The following USP50 variants were observed in gnomAD, a reference collection of about 807,000 sequenced individuals.
USP50 encodes ubiquitin specific peptidase 50.
Under a neutral mutation model 39.2 loss-of-function variants are expected in USP50, and 37 were observed. That is an observed-to-expected ratio of 0.94 (90% CI 0.73 to 1.24). The LOEUF (loss-of-function observed/expected upper bound fraction) is 1.24. Among genes scored for constraint, USP50 ranks in the 50% most tolerant of loss-of-function variants. USP50 has a pLI of 0.00. For synonymous variants in USP50, 139 were observed against 144.5 expected (o/e 0.96, Z 0.27); for missense variants, 374 against 398.2 (o/e 0.94, Z 0.52).
downstream of USP50, chr15:50,493,064 T>C: frequency 1.2e-6 from 1 of 853,902 alleles, no homozygotes; most frequent in Non-Finnish European, 1.9e-6. Context: ...TCTTAGTTCT[T>C]GACTGGGAAG....
In USP50 at chr15:50,544,598, G is replaced by T. The variant is rs758788125; in HGVS notation, c.237C>A (p.Thr79=). 1.2e-6 allele frequency: 2 copies of T among 1,612,958 alleles called. No individual in the cohort carries two copies. The highest frequency in any genetic ancestry group is 1.3e-5 in the African/African-American group (1 of 74,880). ...GCAAATGGTCTTACTTTTGCAGAGC[G>T]GTGATATACTTCCCGGTGAGAAAGT... The part of the protein sequence containing the change: ...VEYFLTGKYI[T]ALQNDCSEVA... The change falls in exon 2 of 7, where the codon ACC becomes ACA. Residue 79 remains threonine (T), a synonymous_variant. Coordinates refer to ENST00000532404, the MANE Select transcript of USP50 (RefSeq NM_203494.5).
intron 6 of USP50, chr15:50,508,126 CACAAT>C (rs1321082244): frequency 9.3e-6 from 1 of 107,210 alleles, no homozygotes; most frequent in Non-Finnish European, 2.0e-5. Flanking sequence ...AGTCTTTGAA[CACAAT>C]ACAATTAGCA....
intron 6 of USP50, among the ~76,000 whole-genome samples, chr15:50,529,108 C>A (rs1437305839): frequency 2.0e-5 from 3 of 152,024 alleles, no homozygotes; most frequent in African/African-American, 7.3e-5. Flanking sequence ...ACCATAGGGA[C>A]CCCAGCGTTT....
intron 5 of USP50, chr15:50,532,281 C>G (rs1384488809): frequency 4.4e-6 from 2 of 453,434 alleles, no homozygotes; most frequent in African/African-American, 4.0e-5. Context: ...GCACCCTGTT[C>G]GTAAAGCCTG....
downstream of USP50, among the ~76,000 whole-genome samples, chr15:50,496,712 A>ACC (rs2052426942): frequency 6.6e-6 from 1 of 152,230 alleles, no homozygotes; most frequent in Non-Finnish European, 1.5e-5. Flanking sequence ...CATTTGCTTT[A>ACC]CATGGGGATA....
At chr15:50,531,650 T>C (rs986971297) in intron 5 of USP50, among the ~76,000 whole-genome samples, 2 of 152,178 alleles carry the variant, frequency 1.3e-5, no homozygotes, top group African/African-American at 4.8e-5. Flanking sequence ...CATAGAACTG[T>C]GCACCTAAAA....
At position 50,494,153 on chromosome 15, in the gene USP50, A is replaced by G. The variant is rs1350930491; in HGVS notation, n.185-23T>C. On this transcript the variant is annotated intron_variant and non_coding_transcript_variant, in intron 1 of 1. Coordinates refer to the USP50 transcript ENST00000560159. ...GCCCTGTGGACAGGACAGTATAGATATATCAGTCCAAAGGACTTTAAAATC... is the reference window on the plus strand; with the variant it reads ...GCCCTGTGGACAGGACAGTATAGATGTATCAGTCCAAAGGACTTTAAAATC... The G allele has an allele frequency of 4.3e-6, 7 of 1,613,174 alleles. No individual in the cohort carries two copies. In the South Asian group the frequency reaches 4.4e-5, roughly 10 times the overall value.
chr15:50,541,088 G>C lies in USP50; in HGVS notation c.621C>G (p.Phe207Leu), dbSNP rs757890051. 1.9e-6 allele frequency: 3 copies of C among 1,613,846 alleles called. No individual in the cohort carries two copies. Among genetic ancestry groups the C allele is most frequent in the Admixed American group, 3.3e-5 (2 of 59,988 alleles). Residue 207 changes from phenylalanine (F) to leucine (L), a missense_variant, in exon 4 of 7, where the codon TTC becomes TTG. Physicochemically the swap from Phe to Leu is conservative, Grantham distance 22. Coordinates refer to ENST00000532404, the MANE Select transcript of USP50 (RefSeq NM_203494.5). ...CTYKNEVFTVFSLPIPSKYEC... is the reference protein window; with the variant it reads ...CTYKNEVFTVLSLPIPSKYEC... ...CATATTTGGATGGAATGGGGAGTGA[G>C]AAGACAGTGAAGACTTCGTTCTTGT...
chr15:50,542,467 T>C (rs1478835439), intron 3 of USP50, among the ~76,000 whole-genome samples: 1 of 150,466 alleles, frequency 6.6e-6, no homozygotes, highest in Non-Finnish European at 1.5e-5. Flanking sequence ...TTTTTGTTTT[T>C]TTTTTTCCTT....
chr15:50,498,466 C>G (rs561319473), downstream of USP50: 8 of 1,225,462 alleles, frequency 6.5e-6, no homozygotes, highest in Admixed American at 5.9e-5. Flanking sequence ...GGTTCCTCTA[C>G]TACTAAAATT....
At chr15:50,504,194 T>C (rs1009826384) in intron 6 of USP50, 1 of 152,204 alleles carries the variant, frequency 6.6e-6, no homozygotes, top group Non-Finnish European at 1.5e-5. Context: ...CAGAGATGAC[T>C]TAAAGTATAT....
At chr15:50,529,239 G>A (rs759930698) in intron 6 of USP50, among the ~76,000 whole-genome samples, 5 of 151,912 alleles carry the variant, frequency 3.3e-5, no homozygotes, top group Non-Finnish European at 7.4e-5. Context: ...GCTGGGCATG[G>A]TGGCTGATGC....
intron 5 of USP50, among the ~76,000 whole-genome samples, chr15:50,535,188 G>T (rs2052970700): frequency 6.6e-6 from 1 of 151,960 alleles, no homozygotes; most frequent in Non-Finnish European, 1.5e-5. Flanking sequence ...AGTGCAAGGA[G>T]AAATAGATGA....
At chr15:50,507,026 T>C (rs1453549379) in intron 6 of USP50, 1 of 142,130 alleles carries the variant, frequency 7.0e-6, no homozygotes, top group East Asian at 2.1e-4. Flanking sequence ...CTCATGCCTG[T>C]AATCCCAACA....
downstream of USP50, chr15:50,499,099 G>A (rs1286903146): frequency 6.4e-7 from 1 of 1,571,022 alleles, no homozygotes; most frequent in Non-Finnish European, 8.6e-7. Context: ...GGAGACATAG[G>A]TTATAAACTA....
intron 6 of USP50, chr15:50,509,362 G>C (rs1299518391): frequency 6.6e-6 from 1 of 150,498 alleles, no homozygotes; most frequent in African/African-American, 2.4e-5. Flanking sequence ...GAGAATAAGA[G>C]ACAAGGCGGC....
chr15:50,517,714 GT>G (rs916970745), intron 6 of USP50, among the ~76,000 whole-genome samples: 1 of 151,876 alleles, frequency 6.6e-6, no homozygotes, highest in Non-Finnish European at 1.5e-5. Flanking sequence ...AGCAAAAGCA[GT>G]TTTTTTTGTT....
At chr15:50,498,243 C>G (rs1220766705), downstream of USP50, 1 of 172,046 alleles carries the variant, frequency 5.8e-6, no homozygotes, top group Non-Finnish European at 1.2e-5. Flanking sequence ...AAGCTTGACT[C>G]GAGAGCAGCT....
chr15:50,493,450 T>G, downstream of USP50: 1 of 519,044 alleles, frequency 1.9e-6, no homozygotes, highest in South Asian at 1.4e-5. Context: ...GGAAAATATC[T>G]TTATCCTTAG....
Sources: allele counts gnomAD v4.1 joint callset (sites outside exome capture counted in the v4.1 genomes callset), GRCh38; gene constraint gnomAD v4.1.1; transcripts MANE v1.5; gene names NCBI Gene and HGNC (gene_info 2026-07-23, HGNC 2026-07-21).